AFAP1L2: variants seen among roughly 807,000 people sequenced by gnomAD.
The protein encoded by AFAP1L2 is actin filament associated protein 1 like 2.
In AFAP1L2, 46 loss-of-function variants were observed where a neutral mutation model predicts 99.3. The ratio of observed to expected loss-of-function variants is 0.46; its 90% CI spans 0.37 to 0.59. The LOEUF (loss-of-function observed/expected upper bound fraction) is 0.59, where lower values mean the gene tolerates loss of function less well. Ranked by LOEUF, AFAP1L2 falls within the 20% of genes least tolerant of loss-of-function variation. AFAP1L2 has a pLI of 0.00. For missense variants in AFAP1L2, 959 were observed against 1,034.9 expected, an observed-to-expected ratio of 0.93 and a Z score of 1.01; for synonymous variants, 397 against 419.1, an observed-to-expected ratio of 0.95 and a Z score of 0.64.
In AFAP1L2 at chr10:114,300,333, A is replaced by C; in HGVS notation, c.1818T>G (p.Pro606=). 1 of 1,614,144 alleles carries C rather than the reference A, an allele frequency of 6.2e-7. No homozygotes were observed. The highest frequency in any genetic ancestry group is 2.2e-5 in the East Asian group (1 of 44,866). ...TTTTGACGGTGGTGATTCTCAGGGA[A>C]GGATCCTCTGGCTCCAAACTCTCCA... ...QQLESLEPED[P]SLRITTVKIQ... The change falls in exon 15 of 19, where the codon CCT becomes CCG. Residue 606 remains proline, a synonymous_variant. Transcript: ENST00000304129.
upstream of AFAP1L2, among the ~76,000 whole-genome samples, chr10:114,405,142 T>C (rs1305816849): frequency 1.3e-5 from 2 of 152,190 alleles, no homozygotes; most frequent in South Asian, 2.1e-4. Context: ...CTTGCTGCTT[T>C]CTACCTGAAT....
chr10:114,349,484 G>A (rs574026467), intron 1 of AFAP1L2, among the ~76,000 whole-genome samples: 1 of 150,472 alleles, frequency 6.6e-6, no homozygotes, highest in South Asian at 2.1e-4. Flanking sequence ...AGCTACCCTG[G>A]AGGTGGGAGG....
intron 1 of AFAP1L2, among the ~76,000 whole-genome samples, chr10:114,383,402 G>C (rs2055994087): frequency 1.3e-5 from 2 of 152,226 alleles, no homozygotes; most frequent in South Asian, 4.1e-4. Flanking sequence ...GAGGAGAAAA[G>C]AGAGAGGAAA....
At chr10:114,384,480 G>T (rs1159712944) in intron 1 of AFAP1L2, among the ~76,000 whole-genome samples, 2 of 152,246 alleles carry the variant, frequency 1.3e-5, no homozygotes, top group African/African-American at 4.8e-5. Context: ...ACACTTGCCA[G>T]CAAATGAGAG....
Position 114,313,419 on chromosome 10 carries a change from C to T in AFAP1L2, c.792+452G>A, listed in dbSNP as rs369858434. ...GGCCTCGGTCTGAGAACCAATGCTG[C>T]CACCACTTGGCAGACGACTTTGATC... On this transcript the variant is annotated intron_variant, in intron 7 of 18. Transcript: ENST00000304129. Among the ~76,000 whole-genome samples the T allele has an allele frequency of 5.3e-5, 8 of 152,020 alleles. No individual in the cohort carries two copies. In the East Asian group the frequency reaches 1.4e-3, roughly 26 times the overall value.
chr10:114,327,191 G>A (rs2046504288), intron 4 of AFAP1L2, among the ~76,000 whole-genome samples: 1 of 77,462 alleles, frequency 1.3e-5, no homozygotes, highest in Non-Finnish European at 3.6e-5. Flanking sequence ...TTTAGGCAGA[G>A]TCTCACTGTG....
At chr10:114,290,361 G>C, downstream of AFAP1L2, 1 of 1,550,526 alleles carries the variant, frequency 6.4e-7, no homozygotes, top group Non-Finnish European at 8.7e-7. Flanking sequence ...CCCACTGCGA[G>C]AACCGTGAGT....
At chr10:114,363,991 A>T (rs997797748) in intron 1 of AFAP1L2, among the ~76,000 whole-genome samples, 1 of 152,200 alleles carries the variant, frequency 6.6e-6, no homozygotes, top group African/African-American at 2.4e-5. Context: ...TTCCCCAAAC[A>T]GAACCCTGTC....
downstream of AFAP1L2, chr10:114,290,359 G>T: frequency 6.4e-7 from 1 of 1,550,518 alleles, no homozygotes; most frequent in South Asian, 1.2e-5. Flanking sequence ...CCCCCACTGC[G>T]AGAACCGTGA....
chr10:114,363,261 G>T lies in AFAP1L2; in HGVS notation c.17-22530C>A. On this transcript the variant is annotated intron_variant, in intron 1 of 18. Coordinates refer to ENST00000304129, the MANE Select transcript of AFAP1L2 (RefSeq NM_001001936.3). The stretch of plus-strand genomic sequence containing the variant: ...TCTTGGATGGTCCTTGAGCCCACCG[G>T]CTTCTTTACCGTAACATGTAGCCTG... The T allele has an allele frequency of 2.5e-6, 2 of 813,152 alleles. 1 individual carries two copies. The highest frequency in any genetic ancestry group is 3.0e-6 in the Non-Finnish European group (2 of 672,940). The allele number at this position is 813,152 out of a possible 1,614,324, so 50.4% of individuals were successfully genotyped here. A position where few individuals can be genotyped will look rare whatever the true frequency, so the allele number is the denominator to read the frequency against.
chr10:114,403,307 G>A (rs1219448219), intron 1 of AFAP1L2, among the ~76,000 whole-genome samples: 1 of 152,192 alleles, frequency 6.6e-6, no homozygotes, highest in Non-Finnish European at 1.5e-5. Context: ...CTACCCAGAT[G>A]AGAAAAAGCA....
chr10:114,301,695 C>G, intron 12 of AFAP1L2: 1 of 561,770 alleles, frequency 1.8e-6, no homozygotes, highest in East Asian at 2.9e-5. Flanking sequence ...AGACAAGCTT[C>G]CCTTGCCCAT....
intron 1 of AFAP1L2, among the ~76,000 whole-genome samples, chr10:114,386,744 G>A (rs745911077): frequency 1.3e-5 from 2 of 152,220 alleles, no homozygotes; most frequent in Non-Finnish European, 1.5e-5. Flanking sequence ...GGGAGTGACC[G>A]AGCAAAGCAC....
chr10:114,294,367 A>G (rs574328644), downstream of AFAP1L2, among the ~76,000 whole-genome samples: 3 of 152,324 alleles, frequency 2.0e-5, no homozygotes, highest in South Asian at 2.1e-4. Context: ...TCTTGTCAGT[A>G]TCTGTATTAA....
downstream of AFAP1L2, among the ~76,000 whole-genome samples, chr10:114,291,824 G>C (rs939834634): frequency 6.6e-6 from 1 of 152,230 alleles, no homozygotes; most frequent in African/African-American, 2.4e-5. Context: ...CCTTTTGTGT[G>C]TGGAAGAGAC....
chr10:114,304,586 G>C, intron 11 of AFAP1L2, 133 bp downstream of exon 11: 1 of 971,294 alleles, frequency 1.0e-6, no homozygotes, highest in Non-Finnish European at 1.5e-6. Flanking sequence ...AACAATCTCA[G>C]GCAAACGAAG....
At chr10:114,352,386 A>C (rs111813751) in intron 1 of AFAP1L2, among the ~76,000 whole-genome samples, 14,703 of 148,596 alleles carry the variant, frequency 0.099, 1,848 homozygotes, top group African/African-American at 0.29. Flanking sequence ...AGGCAGGAGA[A>C]TCGCTTGAGC....
the AFAP1L2 span, chr10:114,286,448 C>T: frequency 3.0e-5 from 49 of 1,611,066 alleles, no homozygotes; most frequent in South Asian, 2.9e-4. Flanking sequence ...CTACTCGGAT[C>T]CTCAGGATCT....
At chr10:114,373,897 C>T (rs1158997997) in intron 1 of AFAP1L2, among the ~76,000 whole-genome samples, 4 of 152,138 alleles carry the variant, frequency 2.6e-5, no homozygotes, top group African/African-American at 9.7e-5. Flanking sequence ...CCCTTCTCTG[C>T]CCATACAATC....
Sources: gnomAD v4.1 joint callset for allele counts (sites outside exome capture counted in the v4.1 genomes callset) on GRCh38, gnomAD v4.1.1 for gene constraint, MANE v1.5 for transcripts, NCBI Gene and HGNC (gene_info 2026-07-23, HGNC 2026-07-21) for gene names.